Variants in CPQ observed in about 807,000 individuals in gnomAD.
The protein encoded by CPQ is carboxypeptidase Q.
A neutral mutation model predicts 45.7 loss-of-function variants in CPQ; 37 were observed. The observed-to-expected ratio is 0.81, with a 90% CI of 0.62 to 1.07. CPQ has a LOEUF of 1.07. CPQ is among the 50% of genes least tolerant of loss of function. The probability of loss-of-function intolerance (pLI) is 0.00; values close to 1 mark genes in which losing one functional copy is unlikely to be tolerated. For missense variants in CPQ, 537 were observed against 572.9 expected, an observed-to-expected ratio of 0.94 and a Z score of 0.64; for synonymous variants, 186 against 205.8, an observed-to-expected ratio of 0.90 and a Z score of 0.82.
In CPQ at chr8:96,943,908, A is replaced by G. The variant is rs577147896; in HGVS notation, c.850-22027A>G. 7.9e-5 allele frequency among the ~76,000 whole-genome samples: 12 copies of G among 152,280 alleles called. No individual in the cohort carries two copies. In the East Asian group the frequency reaches 2.3e-3, roughly 29 times the overall value. On this transcript the variant is annotated intron_variant, in intron 4 of 7. Transcript: ENST00000220763. ...CCTTTTAGGCTGGAAGGTTTTGTAC[A>G]TTAATAGATGTTAAAGATCTTACTG...
At chr8:96,941,330 CTT>C (rs1813121165) in intron 4 of CPQ, among the ~76,000 whole-genome samples, 2 of 152,254 alleles carry the variant, frequency 1.3e-5, no homozygotes, top group South Asian at 4.1e-4. Context: ...AACTTGATGT[CTT>C]TCTCATTTGT....
chr8:96,788,163 CTT>C (rs546288408), intron 2 of CPQ, among the ~76,000 whole-genome samples: 6 of 140,206 alleles, frequency 4.3e-5, no homozygotes, highest in Non-Finnish European at 4.7e-5. Context: ...TTCTTTCTTC[CTT>C]TTTTTTTTTT....
intron 1 of CPQ, among the ~76,000 whole-genome samples, chr8:96,657,182 TA>T (rs1360067619): frequency 3.9e-5 from 6 of 152,054 alleles, no homozygotes; most frequent in Non-Finnish European, 8.8e-5. Flanking sequence ...CCGTCTCTAC[TA>T]AAAATACAAA....
At chr8:96,976,853 A>T (rs967172169) in intron 5 of CPQ, among the ~76,000 whole-genome samples, 1 of 152,182 alleles carries the variant, frequency 6.6e-6, no homozygotes, top group Non-Finnish European at 1.5e-5. Context: ...TTAACTCAAG[A>T]TGGAACAAAA....
chr8:97,045,532 G>T (rs1810236421), intron 6 of CPQ, among the ~76,000 whole-genome samples: 3 of 152,324 alleles, frequency 2.0e-5, no homozygotes, highest in South Asian at 4.1e-4. Flanking sequence ...CTAGTGAGAT[G>T]AACCTGGTAC....
intron 7 of CPQ, among the ~76,000 whole-genome samples, chr8:97,090,426 C>G (rs1232504894): frequency 6.6e-6 from 1 of 152,092 alleles, no homozygotes; most frequent in African/African-American, 2.4e-5. Flanking sequence ...TTTATAATTT[C>G]CCCCCATTTT....
chr8:97,117,786 G>C (rs1454624667), intron 7 of CPQ, among the ~76,000 whole-genome samples: 1 of 152,028 alleles, frequency 6.6e-6, no homozygotes, highest in African/African-American at 2.4e-5. Context: ...CAATTATCCT[G>C]TCTTGATGAT....
Position 96,649,736 on chromosome 8 carries a change from A to G in CPQ, c.-35+4334A>G, listed in dbSNP as rs146697245. Among the ~76,000 whole-genome samples, 271 of 152,318 alleles carry G rather than the reference A, an allele frequency of 1.8e-3. 4 individuals are homozygous for G. The highest frequency in any genetic ancestry group is 0.013 in the Admixed American group (195 of 15,308). Reference sequence around the variant, plus strand: ...CACACAGTCAAGACCTTGGCCAAACATTACAATAGGGCCTCAGTCTAAAAA... The same window carrying G: ...CACACAGTCAAGACCTTGGCCAAACGTTACAATAGGGCCTCAGTCTAAAAA... On this transcript the variant is annotated intron_variant, in intron 1 of 7. Coordinates refer to ENST00000220763, the MANE Select transcript of CPQ (RefSeq NM_016134.4).
chr8:97,137,292 C>A (rs901008170), intron 7 of CPQ, among the ~76,000 whole-genome samples: 1 of 152,132 alleles, frequency 6.6e-6, no homozygotes, highest in African/African-American at 2.4e-5. Context: ...GTCTGTCGAC[C>A]ACCATGCCGT....
chr8:96,790,507 G>T (rs1810832384), intron 2 of CPQ, among the ~76,000 whole-genome samples: 1 of 152,156 alleles, frequency 6.6e-6, no homozygotes, highest in Admixed American at 6.5e-5. Flanking sequence ...TAGAACAGAG[G>T]TTCTACCACA....
chr8:96,790,670 A>G (rs1050746207), intron 2 of CPQ, among the ~76,000 whole-genome samples: 4 of 152,058 alleles, frequency 2.6e-5, no homozygotes, highest in African/African-American at 7.2e-5. Flanking sequence ...TTTCTGTAAC[A>G]TGGGGCTGGG....
At chr8:96,744,120 T>C (rs1476149248) in intron 1 of CPQ, among the ~76,000 whole-genome samples, 1 of 152,256 alleles carries the variant, frequency 6.6e-6, no homozygotes, top group African/African-American at 2.4e-5. Flanking sequence ...GTGCTAGCAA[T>C]CAGCAAGACT....
At chr8:97,045,610 G>C (rs563363129) in intron 6 of CPQ, among the ~76,000 whole-genome samples, 26 of 152,350 alleles carry the variant, frequency 1.7e-4, no homozygotes, top group African/African-American at 6.0e-4. Flanking sequence ...GACCAGAGCT[G>C]TTCCTATTCA....
chr8:96,949,649 G>A (rs566392400), intron 4 of CPQ, among the ~76,000 whole-genome samples: 2 of 151,988 alleles, frequency 1.3e-5, no homozygotes, highest in Non-Finnish European at 2.9e-5. Context: ...TTAGTGTGTC[G>A]TGTTTTTTGT....
chr8:96,737,123 C>T (rs1406066270), intron 1 of CPQ, among the ~76,000 whole-genome samples: 1 of 150,864 alleles, frequency 6.6e-6, no homozygotes, highest in Non-Finnish European at 1.5e-5. Context: ...TTCCTCTTGT[C>T]TTTATCTTCT....
At chr8:96,852,892 T>TA (rs1811790238) in intron 3 of CPQ, among the ~76,000 whole-genome samples, 1 of 152,172 alleles carries the variant, frequency 6.6e-6, no homozygotes, top group Non-Finnish European at 1.5e-5. Flanking sequence ...AGTTTCCAAG[T>TA]AAAAAAGGTG....
chr8:96,873,443 CTTA>C (rs1812104928), intron 3 of CPQ, among the ~76,000 whole-genome samples: 2 of 151,130 alleles, frequency 1.3e-5, no homozygotes, highest in African/African-American at 2.4e-5. Flanking sequence ...TGGATTTTCT[CTTA>C]TTGTTGTTAA....
chr8:97,014,698 C>T (rs1158146034), intron 5 of CPQ, among the ~76,000 whole-genome samples: 1 of 150,484 alleles, frequency 6.6e-6, no homozygotes, highest in East Asian at 1.9e-4. Context: ...GTCTGAAAAC[C>T]TAAACTTAAA....
chr8:97,138,422 G>A (rs1257757976), intron 7 of CPQ, among the ~76,000 whole-genome samples: 16 of 152,144 alleles, frequency 1.1e-4, no homozygotes, highest in South Asian at 2.1e-4. Context: ...ATGGCATCCT[G>A]GGGCAATGGA....
Sources: gnomAD v4.1 joint callset for allele counts (sites outside exome capture counted in the v4.1 genomes callset) on GRCh38, gnomAD v4.1.1 for gene constraint, MANE v1.5 for transcripts, NCBI Gene and HGNC (gene_info 2026-07-23, HGNC 2026-07-21) for gene names.